Variants in SPTB observed in about 807,000 individuals in gnomAD.
SPTB encodes the protein spectrin beta chain, erythrocytic.
SPTB carries 45 observed loss-of-function variants against 256.2 expected under a neutral mutation model. That is an observed-to-expected ratio of 0.18 (90% CI 0.14 to 0.23). The LOEUF (loss-of-function observed/expected upper bound fraction) is 0.23, where lower values mean the gene tolerates loss of function less well. SPTB is among the 10% of genes least tolerant of loss of function. SPTB has a pLI of 1.00. For synonymous variants in SPTB, 1,231 were observed against 1,243.1 expected, an observed-to-expected ratio of 0.99 and a Z score of 0.21; for missense variants, 2,715 against 3,040.4, an observed-to-expected ratio of 0.89 and a Z score of 2.52.
chr14:64,754,229 A>T (rs1165105282), intron 32 of SPTB: 3 of 314,242 alleles, frequency 9.5e-6, no homozygotes, highest in African/African-American at 6.4e-5. Flanking sequence ...CAAGTTCGGC[A>T]ACCACTTATA....
At position 64,826,786 on chromosome 14, in the gene SPTB, TA is replaced by T. The variant is rs1396621510; in HGVS notation, c.-51-3642del. On this transcript the variant is annotated intron_variant, in intron 1 of 35. Transcript: ENST00000644917. The surrounding 1 kb of genome is among the most constrained non-coding windows in gnomAD (Gnocchi z 4.4). ...CCATCCATCCATCCACCTGCCCGTC[TA>T]GCAGCTCTAAATGCACAGTCCAGAG... Among the ~76,000 whole-genome samples the T allele has an allele frequency of 6.6e-6, 1 of 152,076 alleles. No homozygotes were observed. Among genetic ancestry groups the T allele is most frequent in the Non-Finnish European group, 1.5e-5 (1 of 67,998 alleles).
chr14:64,751,954 C>T (rs946482681), intron 33 of SPTB, among the ~76,000 whole-genome samples: 8 of 105,868 alleles, frequency 7.6e-5, no homozygotes, highest in Non-Finnish European at 1.3e-4. Flanking sequence ...ATTAGCCAGG[C>T]GTGGTGGCAC....
rs554211788 is a variant in SPTB, at chr14:64,861,292, G to A, written c.-52+18500C>T. 5.3e-5 allele frequency among the ~76,000 whole-genome samples: 8 copies of A among 152,180 alleles called. No individual in the cohort carries two copies. In the South Asian group the frequency reaches 8.3e-4, roughly 16 times the overall value. On this transcript the variant is annotated intron_variant, in intron 1 of 35. Coordinates refer to ENST00000644917, the MANE Select transcript of SPTB (RefSeq NM_001355436.2). The stretch of plus-strand genomic sequence containing the variant: ...GTATACCTATGTAACAAACCTGCAC[G>A]TTCTGTGCATGTATCCCATTTTTTT...
chr14:64,753,567 A>G lies in SPTB; in HGVS notation c.6572T>C (p.Leu2191Pro), dbSNP rs144452926. The part of the protein sequence containing the change: ...MEGYLGRKHD[L>P]EGPNKKASNR... Reference sequence around the variant, plus strand: ...GGAAGCCTTCTTGTTGGGCCCCTCCAGGTCATGCTTGCGGCCCAGGTAGCC... The same window carrying G: ...GGAAGCCTTCTTGTTGGGCCCCTCCGGGTCATGCTTGCGGCCCAGGTAGCC... The change falls in exon 33 of 36, where the codon CTG becomes CCG. Residue 2191 changes from leucine to proline, a missense_variant. Physicochemically the swap from Leu to Pro is moderately conservative, Grantham distance 98. Coordinates refer to ENST00000644917, the MANE Select transcript of SPTB (RefSeq NM_001355436.2). The G allele has an allele frequency of 2.5e-6, 4 of 1,613,476 alleles. No homozygotes were observed. Among genetic ancestry groups the G allele is most frequent in the Non-Finnish European group, 3.4e-6 (4 of 1,179,996 alleles).
chr14:64,797,676 A>G (rs1878451395), intron 10 of SPTB, 53 bp downstream of exon 10: 1 of 1,336,296 alleles, frequency 7.5e-7, no homozygotes, highest in Admixed American at 1.7e-5. Flanking sequence ...CTGTGTCCTT[A>G]TCGGGAATTC....
chr14:64,787,694 G>C (rs1273408038), intron 15 of SPTB, among the ~76,000 whole-genome samples: 1 of 152,228 alleles, frequency 6.6e-6, no homozygotes, highest in Non-Finnish European at 1.5e-5. Flanking sequence ...GGGAAGAAGA[G>C]AATGGGGAGG....
intron 2 of SPTB, among the ~76,000 whole-genome samples, chr14:64,820,357 T>C (rs2083266221): frequency 6.6e-6 from 1 of 152,212 alleles, no homozygotes; most frequent in South Asian, 2.1e-4. Flanking sequence ...TGGGCACATC[T>C]GGCCACCCTA....
At chr14:64,776,422 A>G (rs2082356935) in intron 22 of SPTB, among the ~76,000 whole-genome samples, 1 of 152,044 alleles carries the variant, frequency 6.6e-6, no homozygotes, top group East Asian at 1.9e-4. Flanking sequence ...AGATCTTATG[A>G]CCTCTGCATG....
intron 20 of SPTB, among the ~76,000 whole-genome samples, chr14:64,781,895 C>T (rs562082732): frequency 7.2e-5 from 11 of 152,208 alleles, no homozygotes; most frequent in Non-Finnish European, 1.5e-4. Context: ...AAAAAAAGAA[C>T]GAGATCATGT....
At chr14:64,754,244 A>G (rs2081992000) in intron 32 of SPTB, 1 of 288,184 alleles carries the variant, frequency 3.5e-6, no homozygotes, top group African/African-American at 2.2e-5. Context: ...CTTATAGTAG[A>G]ATGTTGAATG....
chr14:64,753,209 T>G (rs2081975839), intron 33 of SPTB, among the ~76,000 whole-genome samples: 1 of 152,144 alleles, frequency 6.6e-6, no homozygotes, highest in Non-Finnish European at 1.5e-5. Flanking sequence ...GTTCACCAAG[T>G]GCCTACTGTG....
At chr14:64,768,586 G>A (rs2082227526) in intron 29 of SPTB, among the ~76,000 whole-genome samples, 1 of 152,016 alleles carries the variant, frequency 6.6e-6, no homozygotes, top group South Asian at 2.1e-4. Flanking sequence ...CGAAGAGCCG[G>A]TTCTGTGCTT....
intron 1 of SPTB, among the ~76,000 whole-genome samples, chr14:64,860,423 G>A (rs2083949088): frequency 6.6e-6 from 1 of 152,152 alleles, no homozygotes; most frequent in South Asian, 2.1e-4. Flanking sequence ...ACATTTCCAA[G>A]AGAAACAGGA....
intron 20 of SPTB, among the ~76,000 whole-genome samples, chr14:64,781,083 T>C (rs560916285): frequency 6.6e-6 from 1 of 152,266 alleles, no homozygotes; most frequent in South Asian, 2.1e-4. Flanking sequence ...TCAAGATGGA[T>C]TACAGACTTC....
rs1395588185 is a variant in SPTB at position 64,786,607 on chromosome 14, C to T, written c.3358G>A (p.Val1120Ile). 1 of 1,614,120 alleles carries T rather than the reference C, an allele frequency of 6.2e-7. No homozygotes were observed. ...ATCACTTTCTCCCCAGACTCCTTAA[C>T]ACGCTGGTAGCTGTCTTGGTGCCCG... is the stretch of plus-strand genomic sequence containing the variant. ...IDGHQDSYQR[V>I]KESGEKVIQG... Residue 1120 changes from valine (V) to isoleucine (I), a missense_variant, in exon 16 of 36, where the codon GTT becomes ATT. This residue lies in a region of SPTB where 2,239 missense variants were observed against 2,384.4 expected (regional missense o/e 0.94). Transcript: ENST00000644917. This position sits in a 1 kb window ranked among gnomAD's most constrained non-coding sequence, Gnocchi z 5.6.
Position 64,753,709 on chromosome 14 carries a change from C to T in SPTB, c.6430G>A (p.Asp2144Asn). 6.2e-7 allele frequency: 1 copy of T among 1,613,766 alleles called. No homozygotes were observed. The highest frequency in any genetic ancestry group is 1.3e-5 in the African/African-American group (1 of 75,034). ...QHKDGQKSTG[D>N]ERPTTEPLFK... is the part of the protein sequence containing the mutation. ...AGGGGCTCCGTGGTGGGCCTCTCATCCCCAGTGGATTTCTGCCCATCCTTG... is the reference window on the plus strand; with the variant it reads ...AGGGGCTCCGTGGTGGGCCTCTCATTCCCAGTGGATTTCTGCCCATCCTTG... The change falls in exon 33 of 36, where the codon GAT becomes AAT. Residue 2144 changes from aspartate (D) to asparagine (N), a missense_variant. Coordinates refer to ENST00000644917, the MANE Select transcript of SPTB (RefSeq NM_001355436.2).
intron 19 of SPTB, 66 bp downstream of exon 19, chr14:64,784,181 G>C: frequency 5.0e-6 from 8 of 1,607,916 alleles, no homozygotes; most frequent in Non-Finnish European, 6.8e-6. Flanking sequence ...CACACCCTGG[G>C]TGAAGCCCAT....
Position 64,807,251 on chromosome 14 carries a change from C to A in SPTB, c.149-2161G>T, listed in dbSNP as rs983343076. Among the ~76,000 whole-genome samples, 6 of 152,200 alleles carry A rather than the reference C, an allele frequency of 3.9e-5. No individual in the cohort carries two copies. Among genetic ancestry groups the A allele is most frequent in the Non-Finnish European group, 7.3e-5 (5 of 68,032 alleles). On this transcript the variant is annotated intron_variant, in intron 2 of 35. Coordinates refer to ENST00000644917, the MANE Select transcript of SPTB (RefSeq NM_001355436.2). This position sits in a 1 kb window ranked among gnomAD's most constrained non-coding sequence, Gnocchi z 4.7. ...CCCAAAGTGAAAGTATTTCTTCCTC[C>A]TTTTCCTGTCTTTAAGAATGCAAAC... is the stretch of plus-strand genomic sequence containing the variant.
intron 1 of SPTB, among the ~76,000 whole-genome samples, chr14:64,855,493 T>G (rs2083858134): frequency 1.3e-5 from 2 of 152,176 alleles, no homozygotes; most frequent in South Asian, 4.1e-4. Flanking sequence ...TGTTCTAACA[T>G]GACTTAATTT....
Sources: gnomAD v4.1 joint callset for allele counts (sites outside exome capture counted in the v4.1 genomes callset) on GRCh38, gnomAD v4.1.1 for gene constraint, gnomAD v4.1.1 regional missense constraint, Gnocchi (gnomAD v3.1) non-coding constraint, MANE v1.5 for transcripts, NCBI Gene and HGNC (gene_info 2026-07-23, HGNC 2026-07-21) for gene names.